ACOT11: variants seen among roughly 807,000 people sequenced by gnomAD.
ACOT11 encodes acyl-CoA thioesterase 11.
A neutral mutation model predicts 77.5 loss-of-function variants in ACOT11; 69 were observed. The ratio of observed to expected loss-of-function variants is 0.89; its 90% confidence interval spans 0.73 to 1.09. The LOEUF (loss-of-function observed/expected upper bound fraction) is 1.09. Ranked by LOEUF, ACOT11 falls within the 50% of genes least tolerant of loss-of-function variation. The pLI is 0.00. For missense variants in ACOT11, 766 were observed against 813.7 expected (o/e 0.94, Z 0.71); for synonymous variants, 279 against 313.0 (o/e 0.89, Z 1.15).
intron 15 of ACOT11, among the ~76,000 whole-genome samples, chr1:54,622,302 C>T (rs1479963627): frequency 1.4e-5 from 2 of 142,006 alleles, no homozygotes; most frequent in Non-Finnish European, 3.0e-5. Flanking sequence ...AAAAAAAGGC[C>T]AGGTATGGTG....
At chr1:54,599,484 C>T in intron 8 of ACOT11, 69 bp downstream of exon 8, 1 of 1,432,842 alleles carries the variant, frequency 7.0e-7, no homozygotes, top group Non-Finnish European at 9.3e-7. Flanking sequence ...CTAGAAAGGA[C>T]CCTACTTCAA....
intron 1 of ACOT11, among the ~76,000 whole-genome samples, chr1:54,556,151 A>T (rs370008535): frequency 6.6e-6 from 1 of 152,124 alleles, no homozygotes; most frequent in Non-Finnish European, 1.5e-5. Context: ...CCCTTCCCCA[A>T]TGTGTGTTCT....
intron 11 of ACOT11, 152 bp from the exon 12 acceptor site, chr1:54,604,194 G>T (rs1047250905): frequency 2.8e-6 from 2 of 715,340 alleles, no homozygotes; most frequent in East Asian, 2.7e-5. Context: ...CCTTCTCAAC[G>T]CCCAGGACTC....
At position 54,609,582 on chromosome 1, in the gene ACOT11, C is replaced by G; in HGVS notation, c.*470C>G. ...CTGTAGCCACTGCCCAGCACCTCCT[C>G]AGGCCAGCCTGGTGCCACAGTCACG... On this transcript the variant is annotated 3_prime_UTR_variant, in exon 16 of 16. Coordinates refer to ENST00000343744, the MANE Select transcript of ACOT11 (RefSeq NM_147161.4). 6.2e-7 allele frequency: 1 copy of G among 1,613,160 alleles called. No homozygotes were observed. The highest frequency in any genetic ancestry group is 8.5e-7 in the Non-Finnish European group (1 of 1,180,040).
chr1:54,612,830 G>A, downstream of ACOT11: 1 of 717,576 alleles, frequency 1.4e-6, no homozygotes, highest in Non-Finnish European at 2.3e-6. Context: ...AAGGTCAGAA[G>A]CAGAGTCCCA....
chr1:54,626,297 G>C (rs886519143), intron 15 of ACOT11, among the ~76,000 whole-genome samples: 5 of 151,496 alleles, frequency 3.3e-5, no homozygotes, highest in East Asian at 1.9e-4. Context: ...AAAGAGAAAA[G>C]ACAAGAAAAG....
Position 54,629,196 on chromosome 1 carries a change from G to C in ACOT11, c.1630-1538G>C, listed in dbSNP as rs1438786228. ...CATAAGAAAATAAGGCACCATGGGT[G>C]AAAACCAAGAGATGATGTAAACAGC... On this transcript the variant is annotated intron_variant, in intron 15 of 16. Transcript: ENST00000371316. Among the ~76,000 whole-genome samples the C allele has an allele frequency of 1.5e-5, 2 of 134,434 alleles. 1 individual carries two copies. The highest frequency in any genetic ancestry group is 1.5e-4 in the Admixed American group (2 of 13,136). 88.2% of individuals were successfully genotyped at this position (134,434 alleles called of 152,430 possible).
In ACOT11 at chr1:54,610,137, C is replaced by T; in HGVS notation, c.*1025C>T. ...CCTGGTGCATGAGAAACTCTTGTTT[C>T]AGCTCTTGGCCTTTACCCATGACTC... On this transcript the variant is annotated 3_prime_UTR_variant, in exon 16 of 16. Coordinates refer to ENST00000343744, the MANE Select transcript of ACOT11 (RefSeq NM_147161.4). 7.0e-7 allele frequency: 1 copy of T among 1,433,276 alleles called. No homozygotes were observed. Among genetic ancestry groups the T allele is most frequent in the Non-Finnish European group, 9.1e-7 (1 of 1,099,296 alleles). 88.8% of individuals were successfully genotyped at this position (1,433,276 alleles called of 1,614,324 possible).
downstream of ACOT11, chr1:54,614,964 GCACA>G: frequency 8.5e-7 from 1 of 1,182,544 alleles, no homozygotes; most frequent in Non-Finnish European, 1.2e-6. Flanking sequence ...GCATGTGCGT[GCACA>G]GTGGAGTCAG....
intron 7 of ACOT11, 96 bp downstream of exon 7, chr1:54,597,511 G>C (rs1643903368): frequency 7.1e-7 from 1 of 1,409,634 alleles, no homozygotes; most frequent in Non-Finnish European, 9.4e-7. Context: ...CTTGGGGTTG[G>C]CATTCAAGGC....
Position 54,601,375 on chromosome 1 carries a change from C to G in ACOT11, c.991C>G (p.Gln331Glu), listed in dbSNP as rs1447133282. The change falls in exon 9 of 16, where the codon CAG (glutamine) becomes GAG (glutamate). Residue 331 changes from glutamine (Q) to glutamate (E), a missense_variant. Transcript: ENST00000343744. ...CTTTGTGGTCCTGGACGCAGATGAC[C>G]AGCCCCAGTTGCTGCCCTGGATTCG... is the stretch of plus-strand genomic sequence containing the variant. The part of the protein sequence containing the change: ...MTFVVLDADD[Q>E]PQLLPWIRPQ... 1.9e-6 allele frequency: 3 copies of G among 1,613,558 alleles called. No homozygotes were observed. In the Admixed American group the frequency reaches 5.0e-5, roughly 27 times the overall value.
intron 15 of ACOT11, chr1:54,616,174 T>G: frequency 6.2e-7 from 1 of 1,611,708 alleles, no homozygotes; most frequent in South Asian, 1.1e-5. Flanking sequence ...TGATGTTGCC[T>G]GTGGAAGGGG....
At chr1:54,590,540 G>A (rs533951710) in intron 3 of ACOT11, among the ~76,000 whole-genome samples, 1 of 150,650 alleles carries the variant, frequency 6.6e-6, no homozygotes, top group Non-Finnish European at 1.5e-5. Flanking sequence ...GGAGGGAGAG[G>A]AGGAAAAATC....
At chr1:54,625,796 G>A (rs1191728458) in intron 15 of ACOT11, among the ~76,000 whole-genome samples, 1 of 151,840 alleles carries the variant, frequency 6.6e-6, no homozygotes, top group Admixed American at 6.6e-5. Flanking sequence ...AAAATTAGCT[G>A]GGCATAGTGG....
chr1:54,550,906 G>A (rs1317912971), intron 1 of ACOT11, among the ~76,000 whole-genome samples: 4 of 151,652 alleles, frequency 2.6e-5, no homozygotes, highest in African/African-American at 9.7e-5. Context: ...TTGGGAGGCC[G>A]AGACGGGTGG....
intron 15 of ACOT11, chr1:54,623,492 A>T: frequency 1.2e-6 from 1 of 863,456 alleles, no homozygotes; most frequent in Admixed American, 1.9e-5. Context: ...AGCTCCCAGC[A>T]GCACCTAATT....
At chr1:54,625,614 T>C (rs1332890865) in intron 15 of ACOT11, among the ~76,000 whole-genome samples, 1 of 152,100 alleles carries the variant, frequency 6.6e-6, no homozygotes, top group East Asian at 1.9e-4. Context: ...TAGAGGAAAT[T>C]TCTGTTTAAG....
At chr1:54,630,413 C>CG (rs1644293016) in intron 15 of ACOT11, among the ~76,000 whole-genome samples, 1 of 152,168 alleles carries the variant, frequency 6.6e-6, no homozygotes, top group African/African-American at 2.4e-5. Flanking sequence ...TGTGGGTTTA[C>CG]GGGAATGACG....
At chr1:54,554,352 T>TATA (rs536616509) in intron 1 of ACOT11, among the ~76,000 whole-genome samples, 871 of 46,318 alleles carry the variant, frequency 0.019, 20 homozygotes, top group African/African-American at 0.04. Flanking sequence ...TATATATATA[T>TATA]TTTTTTTTTT....
Sources: gnomAD v4.1 joint callset for allele counts (sites outside exome capture counted in the v4.1 genomes callset) on GRCh38, gnomAD v4.1.1 for gene constraint, MANE v1.5 for transcripts, NCBI Gene and HGNC (gene_info 2026-07-23, HGNC 2026-07-21) for gene names.